MTHFSD: variants seen among roughly 807,000 people sequenced by gnomAD.
MTHFSD encodes methenyltetrahydrofolate synthase domain-containing protein.
Under a neutral mutation model 31.1 loss-of-function variants are expected in MTHFSD, and 37 were observed. That is an observed-to-expected ratio of 1.19 (90% CI 0.91 to 1.56). MTHFSD has a LOEUF of 1.56. Ranked by LOEUF, MTHFSD falls within the 40% of genes most tolerant of loss-of-function variation. MTHFSD has a pLI of 0.00. For missense variants in MTHFSD, 664 were observed against 510.1 expected (o/e 1.30, Z -2.91); for synonymous variants, 221 against 206.9 (o/e 1.07, Z -0.59).
chr16:86,555,132 A>T, intron 1 of MTHFSD, 37 bp downstream of exon 1: 1 of 1,529,076 alleles, frequency 6.5e-7, no homozygotes, highest in Non-Finnish European at 8.8e-7. Context: ...GTCCCTCCCC[A>T]TTCCCAGCCG....
chr16:86,535,088 A>G, intron 7 of MTHFSD: 1 of 293,384 alleles, frequency 3.4e-6, no homozygotes, highest in Non-Finnish European at 5.1e-6. Context: ...TGCACATCAC[A>G]GGGAGCTCCT....
chr16:86,536,234 G>T (rs769359510), intron 7 of MTHFSD, among the ~76,000 whole-genome samples: 1 of 152,182 alleles, frequency 6.6e-6, no homozygotes, highest in Non-Finnish European at 1.5e-5. Context: ...ACTAAATTTG[G>T]TTGTTCACTG....
intron 7 of MTHFSD, chr16:86,535,455 T>C (rs1970561045): frequency 1.0e-6 from 1 of 985,232 alleles, no homozygotes; most frequent in Admixed American, 6.2e-5. Flanking sequence ...TTGGGATGAG[T>C]GCATGGCAGT....
At chr16:86,538,644 C>CG (rs1971050568) in intron 7 of MTHFSD, among the ~76,000 whole-genome samples, 1 of 152,232 alleles carries the variant, frequency 6.6e-6, no homozygotes, top group Admixed American at 6.5e-5. Flanking sequence ...ACCTGACACA[C>CG]GGCTGTCACA....
In MTHFSD at chr16:86,548,565, A is replaced by G. The variant is rs201622566; in HGVS notation, c.250T>C (p.Leu84=). Residue 84 remains leucine (L), a synonymous_variant, in exon 4 of 8, where the codon TTG becomes CTG. Coordinates refer to ENST00000360900, the MANE Select transcript of MTHFSD (RefSeq NM_001159377.2). ...CTCAGTCGTGGTGTTGGAACCAACA[A>G]TGTTTTTTTGCTCTTTTAAAGAAAA... The part of the protein sequence containing the change: ...RLLVLQSKKT[L]LVPTPRLRTG... The G allele has an allele frequency of 2.1e-5, 34 of 1,610,168 alleles. No individual in the cohort carries two copies. In the Admixed American group the frequency reaches 2.4e-4, roughly 11 times the overall value.
Position 86,547,298 on chromosome 16 carries a change from G to A in MTHFSD, c.352-649C>T. On this transcript the variant is annotated intron_variant, in intron 4 of 7. Transcript: ENST00000360900. ...AGGCATGCATATAAAGAATAGGGAA[G>A]CTGAATATGTTCATGGTTCTCATAA... 4 of 985,644 alleles carry A rather than the reference G, an allele frequency of 4.1e-6. No individual in the cohort carries two copies. The African/African-American group carries it at 7.0e-5, about 17-fold the overall frequency. The allele number at this position is 985,644 out of a possible 1,614,324, so 61.1% of individuals were successfully genotyped here.
At chr16:86,547,314 G>T (rs750054822) in intron 4 of MTHFSD, 28 of 985,582 alleles carry the variant, frequency 2.8e-5, no homozygotes, top group Admixed American at 6.1e-5. Context: ...TATGTTCATG[G>T]TTCTCATAAC....
intron 7 of MTHFSD, among the ~76,000 whole-genome samples, chr16:86,537,468 C>A (rs1970868226): frequency 6.6e-6 from 1 of 152,160 alleles, no homozygotes; most frequent in Non-Finnish European, 1.5e-5. Flanking sequence ...AAGTCCTTAT[C>A]TGAATTTCTA....
intron 7 of MTHFSD, chr16:86,541,399 CAG>C (rs1242160837): frequency 3.7e-5 from 21 of 565,150 alleles, no homozygotes; most frequent in African/African-American, 2.1e-4. Context: ...AAATGAAAAA[CAG>C]GGGGCAAGTA....
chr16:86,535,958 C>T (rs1970635276), intron 7 of MTHFSD, among the ~76,000 whole-genome samples: 1 of 152,144 alleles, frequency 6.6e-6, no homozygotes, highest in Non-Finnish European at 1.5e-5. Context: ...CCAAGTAATC[C>T]TTCTGGCTTA....
chr16:86,541,261 C>T, intron 7 of MTHFSD: 1 of 1,231,064 alleles, frequency 8.1e-7, no homozygotes. Context: ...CCTACTCAGG[C>T]TAGATCTGCT....
chr16:86,545,831 G>T (rs552959249), intron 5 of MTHFSD, among the ~76,000 whole-genome samples: 1 of 152,192 alleles, frequency 6.6e-6, no homozygotes, highest in East Asian at 1.9e-4. Context: ...AGAACAGTGC[G>T]CTCCTGAGTC....
chr16:86,539,853 T>A (rs545392730), intron 7 of MTHFSD, among the ~76,000 whole-genome samples: 1 of 152,264 alleles, frequency 6.6e-6, no homozygotes, highest in African/African-American at 2.4e-5. Flanking sequence ...ACATCCTTCA[T>A]CAAGAGATCT....
intron 3 of MTHFSD, among the ~76,000 whole-genome samples, chr16:86,550,633 C>T (rs897731858): frequency 6.6e-6 from 1 of 152,224 alleles, no homozygotes; most frequent in Non-Finnish European, 1.5e-5. Context: ...GAGAACCAAA[C>T]CACATAATAC....
intron 7 of MTHFSD, among the ~76,000 whole-genome samples, chr16:86,536,601 C>T (rs1451081177): frequency 6.6e-6 from 1 of 152,246 alleles, no homozygotes; most frequent in Admixed American, 6.5e-5. Context: ...GACTGTACCC[C>T]AACATCAGGA....
chr16:86,537,567 A>C (rs780899157), intron 7 of MTHFSD, among the ~76,000 whole-genome samples: 20 of 152,222 alleles, frequency 1.3e-4, no homozygotes, highest in Non-Finnish European at 2.8e-4. Flanking sequence ...TCAGCTCTCT[A>C]AACATACTGG....
rs1401644650 is a variant in MTHFSD, at chr16:86,548,490, T to A, written c.325A>T (p.Ile109Phe). ...TGAGAGGTGGCACATTTTCTCAAGA[T>A]GTCTTTAGTTGCCCCAGGGGGTGGT... ...ITPPPGATKD[I>F]LRKCATSQGV... The change falls in exon 4 of 8, where the codon ATC becomes TTC. Residue 109 changes from isoleucine (I) to phenylalanine (F), a missense_variant. By Grantham distance (21) the Ile-to-Phe change is conservative (BLOSUM62 0). Coordinates refer to ENST00000360900, the MANE Select transcript of MTHFSD (RefSeq NM_001159377.2). The A allele has an allele frequency of 6.2e-7, 1 of 1,613,838 alleles. No homozygotes were observed. Among genetic ancestry groups the A allele is most frequent in the Admixed American group, 1.7e-5 (1 of 59,922 alleles).
Position 86,542,088 on chromosome 16 carries a change from T to A in MTHFSD, c.555+13A>T. On this transcript the variant is annotated intron_variant, in intron 6 of 7. Coordinates refer to ENST00000360900, the MANE Select transcript of MTHFSD (RefSeq NM_001159377.2). This position sits in a 1 kb window ranked among gnomAD's most constrained non-coding sequence, Gnocchi z 4.6. ...ATGGCAGTGGCTCTGCTCAGCCCAT[T>A]CATAAGGAGCACCTGGCAGTCGTGG... 6.2e-7 allele frequency: 1 copy of A among 1,610,752 alleles called. No homozygotes were observed. The highest frequency in any genetic ancestry group is 8.5e-7 in the Non-Finnish European group (1 of 1,177,894).
chr16:86,546,374 C>A (rs1023127002), intron 5 of MTHFSD, among the ~76,000 whole-genome samples, 185 bp downstream of exon 5: 1 of 152,226 alleles, frequency 6.6e-6, no homozygotes. Context: ...ACATGTTGGG[C>A]TGGGGCCAGA....
Sources: allele counts gnomAD v4.1 joint callset (sites outside exome capture counted in the v4.1 genomes callset), GRCh38; gene constraint gnomAD v4.1.1; non-coding constraint Gnocchi (gnomAD v3.1); transcripts MANE v1.5; gene names NCBI Gene and HGNC (gene_info 2026-07-23, HGNC 2026-07-21).